The following UGGT1 variants were observed in gnomAD, a reference collection of about 807,000 sequenced individuals.
UGGT1 encodes the protein UDP-glucose glycoprotein glucosyltransferase 1, also known as UDP-glucose:glycoprotein glucosyltransferase 1.
A neutral mutation model predicts 203.9 loss-of-function variants in UGGT1; 107 were observed. The observed-to-expected ratio is 0.52, with a 90% CI of 0.45 to 0.62. UGGT1 has a LOEUF of 0.62. UGGT1 is among the 20% of genes least tolerant of loss of function. The probability of loss-of-function intolerance (pLI) is 0.00; values close to 1 mark genes in which losing one functional copy is unlikely to be tolerated. For synonymous variants in UGGT1, 628 were observed against 653.5 expected (o/e 0.96, Z 0.59); for missense variants, 1,673 against 1,867.2 (o/e 0.90, Z 1.92).
chr2:128,191,144 C>G lies in UGGT1; in HGVS notation c.*1402C>G, dbSNP rs527939214. 6.6e-6 allele frequency: 1 copy of G among 152,362 alleles called. No individual in the cohort carries two copies. The highest frequency in any genetic ancestry group is 2.4e-5 in the African/African-American group (1 of 41,596). 9.4% of individuals were successfully genotyped at this position (152,362 alleles called of 1,614,324 possible). A position where few individuals can be genotyped will look rare whatever the true frequency, so the allele number is the denominator to read the frequency against. ...TCCAACGTGCACCAGCCTTTTCTTACATATTTTGCCTGTTTTTAAAAAATA... is the reference window on the plus strand; with the variant it reads ...TCCAACGTGCACCAGCCTTTTCTTAGATATTTTGCCTGTTTTTAAAAAATA... On this transcript the variant is annotated 3_prime_UTR_variant, in exon 41 of 41. Transcript: ENST00000259253.
chr2:128,124,307 G>A (rs957577065), intron 11 of UGGT1, among the ~76,000 whole-genome samples: 1 of 151,982 alleles, frequency 6.6e-6, no homozygotes, highest in African/African-American at 2.4e-5. Flanking sequence ...TACAATTTTA[G>A]GTTGGAAGTC....
In UGGT1 at chr2:128,122,386, T is replaced by C. The variant is rs191545645; in HGVS notation, c.1074-800T>C. Among the ~76,000 whole-genome samples the C allele has an allele frequency of 3.1e-3, 467 of 152,118 alleles. 19 individuals are homozygous for C. Among genetic ancestry groups the C allele is most frequent in the Admixed American group, 0.028 (425 of 15,280 alleles). On this transcript the variant is annotated intron_variant, in intron 10 of 40. Coordinates refer to ENST00000259253, the MANE Select transcript of UGGT1 (RefSeq NM_020120.4). ...CTTTTCTACTGAATATACAAAAAAT[T>C]AGCTGGGCGTGGTGGCAGGGGTCTG...
rs765148199 is a variant in UGGT1, at chr2:128,161,284, G to A, written c.2825+16G>A. The A allele has an allele frequency of 3.1e-6, 5 of 1,611,944 alleles. No individual in the cohort carries two copies. The South Asian group carries it at 5.5e-5, about 18-fold the overall frequency. Reference sequence around the variant, plus strand: ...AAGAAGATGTGTAAGTTTTGCCATAGGAGGAATTACAGGGGTTATATAATT... The same window carrying A: ...AAGAAGATGTGTAAGTTTTGCCATAAGAGGAATTACAGGGGTTATATAATT... On this transcript the variant is annotated intron_variant, in intron 25 of 40. Coordinates refer to ENST00000259253, the MANE Select transcript of UGGT1 (RefSeq NM_020120.4).
At chr2:128,132,205 C>CTTTT (rs796930833) in intron 13 of UGGT1, among the ~76,000 whole-genome samples, 1 of 145,392 alleles carries the variant, frequency 6.9e-6, no homozygotes, top group African/African-American at 2.5e-5. Flanking sequence ...TTTTCATATT[C>CTTTT]TTTTTTTTTT....
At position 128,177,917 on chromosome 2, in the gene UGGT1, A is replaced by G. The variant is rs73955981; in HGVS notation, c.3710A>G (p.Lys1237Arg). 9.4e-4 allele frequency: 1,496 copies of G among 1,597,464 alleles called. 10 individuals carry two copies. The African/African-American group carries it at 0.015, about 16-fold the overall frequency. ...ENESGFWDSF[K>R]WGFTGQKTEE... ...GAATCTGGATTTTGGGATTCCTTCA[A>G]ATGGTAAGTTGACATTGTAAGAGTT... Residue 1237 changes from lysine (K) to arginine (R), a missense_variant, in exon 33 of 41, where the codon AAA becomes AGA. Lys to Arg is a conservative substitution (Grantham distance 26, BLOSUM62 2). This residue lies in a region of UGGT1 where 513 missense variants were observed against 684.1 expected (regional missense o/e 0.75). Transcript: ENST00000259253.
Position 128,135,002 on chromosome 2 carries a change from G to A in UGGT1, c.1583+41G>A, listed in dbSNP as rs758367256. On this transcript the variant is annotated intron_variant, in intron 15 of 40. Coordinates refer to ENST00000259253, the MANE Select transcript of UGGT1 (RefSeq NM_020120.4). ...ATTTGATGATGTATCTAATTTAGCT[G>A]AGGTTTTATTTGTCATTTTTAAATG... 9.7e-6 allele frequency: 15 copies of A among 1,547,156 alleles called. No individual in the cohort carries two copies. The Admixed American group carries it at 2.5e-4, about 26-fold the overall frequency.
At chr2:128,184,572 G>C (rs923197589) in intron 38 of UGGT1, among the ~76,000 whole-genome samples, 1 of 152,044 alleles carries the variant, frequency 6.6e-6, no homozygotes, top group African/African-American at 2.4e-5. Flanking sequence ...AATCATTTTT[G>C]TTTCTTTATA....
chr2:128,159,787 T>C, intron 23 of UGGT1, 67 bp downstream of exon 23: 1 of 1,489,442 alleles, frequency 6.7e-7, no homozygotes, highest in Non-Finnish European at 9.2e-7. Context: ...CCACTGCAGC[T>C]TACGTGTCCG....
At chr2:128,114,234 C>T (rs544857199) in intron 6 of UGGT1, among the ~76,000 whole-genome samples, 1 of 152,268 alleles carries the variant, frequency 6.6e-6, no homozygotes, top group African/African-American at 2.4e-5. Context: ...TCTCCTGCCT[C>T]AGCCTCCCGA....
chr2:128,109,683 T>C lies in UGGT1; in HGVS notation c.458T>C (p.Val153Ala). 2 of 1,614,176 alleles carry C rather than the reference T, an allele frequency of 1.2e-6. No homozygotes were observed. Among genetic ancestry groups the C allele is most frequent in the Non-Finnish European group, 1.7e-6 (2 of 1,180,024 alleles). Residue 153 changes from valine (V) to alanine (A), a missense_variant, in exon 5 of 41, where the codon GTG becomes GCG. Transcript: ENST00000259253. ...GAAGGATGTAATTCGTTTTTTTCAG[T>C]GCATGGAAAGAAGACTTGTGAATCT... The part of the protein sequence containing the change: ...PPEGCNSFFS[V>A]HGKKTCESDT...
At chr2:128,107,878 ATCT>A (rs2105355741) in intron 3 of UGGT1, 57 bp from the exon 4 acceptor site, 2 of 1,605,778 alleles carry the variant, frequency 1.2e-6, no homozygotes, top group East Asian at 2.2e-5. Flanking sequence ...TTCATGAACT[ATCT>A]TCTTTAGATA....
chr2:128,173,251 C>T (rs1384046326), intron 29 of UGGT1, among the ~76,000 whole-genome samples: 1 of 152,214 alleles, frequency 6.6e-6, no homozygotes. Flanking sequence ...TATTTATGGA[C>T]ATATCACGTT....
rs1228242537 is a variant in UGGT1 at position 128,155,404 on chromosome 2, A to G, written c.2138-85A>G. On this transcript the variant is annotated intron_variant, in intron 19 of 40. Transcript: ENST00000259253. ...ACTCACGCATTTCTATAAATCTTAT[A>G]TTATGATCAAGTCAGGTTATCAGTT... 1.0e-5 allele frequency: 10 copies of G among 998,674 alleles called. No homozygotes were observed. The East Asian group carries it at 1.5e-4, about 15-fold the overall frequency. The allele number at this position is 998,674 out of a possible 1,614,324, so 61.9% of individuals were successfully genotyped here. A position where few individuals can be genotyped will look rare whatever the true frequency, so the allele number is the denominator to read the frequency against.
At chr2:128,102,533 C>T (rs539310839) in intron 2 of UGGT1, among the ~76,000 whole-genome samples, 1 of 152,088 alleles carries the variant, frequency 6.6e-6, no homozygotes, top group East Asian at 1.9e-4. Context: ...TAAAAAAAGG[C>T]AGCATTTCTT....
At position 128,091,383 on chromosome 2, in the gene UGGT1, G is replaced by T. The variant is rs138106683; in HGVS notation, c.26G>T (p.Gly9Val). Residue 9 changes from glycine (G) to valine (V), a missense_variant, in exon 1 of 41, where the codon GGT (glycine) becomes GTT (valine). Physicochemically the swap from Gly to Val is moderately radical, Grantham distance 109. Around this residue, in one of 4 missense-constraint regions of UGGT1, gnomAD observed 83 missense variants for 87.2 expected, o/e 0.95. Coordinates refer to ENST00000259253, the MANE Select transcript of UGGT1 (RefSeq NM_020120.4). Reference sequence around the variant, plus strand: ...ATGGGCTGCAAGGGAGACGCGAGCGGTGCGTGTGCCGCGGGTGCGCTGCCG... The same window carrying T: ...ATGGGCTGCAAGGGAGACGCGAGCGTTGCGTGTGCCGCGGGTGCGCTGCCG... MGCKGDAS[G>V]ACAAGALPVT... 5.1e-6 allele frequency: 8 copies of T among 1,576,196 alleles called. No individual in the cohort carries two copies. Among genetic ancestry groups the T allele is most frequent in the Non-Finnish European group, 6.9e-6 (8 of 1,161,166 alleles).
At chr2:128,161,739 T>TTTTTAA (rs1452848003) in intron 25 of UGGT1, among the ~76,000 whole-genome samples, 23 of 152,292 alleles carry the variant, frequency 1.5e-4, no homozygotes, top group Admixed American at 1.4e-3. Flanking sequence ...TTGTTGTCGG[T>TTTTTAA]TTTTAATTTT....
chr2:128,127,490 T>C lies in UGGT1; in HGVS notation c.1226+38T>C, dbSNP rs376898069. 4.9e-6 allele frequency: 7 copies of C among 1,420,104 alleles called. No individual in the cohort carries two copies. The African/African-American group carries it at 9.9e-5, about 20-fold the overall frequency. 88.0% of individuals were successfully genotyped at this position (1,420,104 alleles called of 1,614,324 possible). ...TTTTTCATTCTCTGAAAAGTTTTTGTAATGCGTAGCACCTTGTAACATGTT... is the reference window on the plus strand; with the variant it reads ...TTTTTCATTCTCTGAAAAGTTTTTGCAATGCGTAGCACCTTGTAACATGTT... On this transcript the variant is annotated intron_variant, in intron 12 of 40. Coordinates refer to ENST00000259253, the MANE Select transcript of UGGT1 (RefSeq NM_020120.4).
chr2:128,138,288 G>A (rs1286222579), intron 15 of UGGT1, among the ~76,000 whole-genome samples: 3 of 152,144 alleles, frequency 2.0e-5, no homozygotes, highest in Non-Finnish European at 4.4e-5. Context: ...GGGAGGCCGA[G>A]GCTGATGGAT....
chr2:128,145,795 T>C lies in UGGT1; in HGVS notation c.1852-8T>C. The C allele has an allele frequency of 6.4e-7, 1 of 1,555,804 alleles. No homozygotes were observed. ...AATATACTGTTTTTGTGGTTACTTG[T>C]GTTTCAGGAAGCAAGAGGCTACTAT... On this transcript the variant is annotated splice_region_variant and splice_polypyrimidine_tract_variant and intron_variant, in intron 17 of 40. Transcript: ENST00000259253.
Sources: allele counts gnomAD v4.1 joint callset (sites outside exome capture counted in the v4.1 genomes callset), GRCh38; gene constraint gnomAD v4.1.1; regional missense constraint gnomAD v4.1.1; transcripts MANE v1.5; gene names NCBI Gene and HGNC (gene_info 2026-07-23, HGNC 2026-07-21).